Variants in GALNT13 observed in about 807,000 individuals in gnomAD.
The protein encoded by GALNT13 is UDP-GalNAc:polypeptide N-acetylgalactosaminyltransferase 13.
Under a neutral mutation model 64.2 loss-of-function variants are expected in GALNT13, and 28 were observed. The ratio of observed to expected loss-of-function variants is 0.44; its 90% CI spans 0.32 to 0.60. The LOEUF (loss-of-function observed/expected upper bound fraction) is 0.60, where lower values mean the gene tolerates loss of function less well. GALNT13 is among the 20% of genes least tolerant of loss of function. GALNT13 has a pLI of 0.05. For synonymous variants in GALNT13, 214 were observed against 224.6 expected, an observed-to-expected ratio of 0.95 and a Z score of 0.42; for missense variants, 577 against 669.8, an observed-to-expected ratio of 0.86 and a Z score of 1.53.
the GALNT13 span, among the ~76,000 whole-genome samples, chr2:153,287,161 C>T: frequency 6.6e-6 from 1 of 152,202 alleles, no homozygotes; most frequent in African/African-American, 2.4e-5. Context: ...CCTAATCTCA[C>T]TCGCAGGCAC....
intron 3 of GALNT13, among the ~76,000 whole-genome samples, chr2:154,036,844 T>A (rs1698685803): frequency 1.3e-5 from 2 of 152,080 alleles, no homozygotes; most frequent in Admixed American, 1.3e-4. Flanking sequence ...GATATCGATA[T>A]CTTTGTTCCA....
intron 3 of GALNT13, among the ~76,000 whole-genome samples, chr2:154,115,749 C>A (rs1490565512): frequency 6.6e-6 from 1 of 152,156 alleles, no homozygotes; most frequent in Non-Finnish European, 1.5e-5. Flanking sequence ...ACTTCCCGAT[C>A]TGCAACATTA....
the GALNT13 span, among the ~76,000 whole-genome samples, chr2:153,225,961 T>C: frequency 6.6e-6 from 1 of 150,902 alleles, no homozygotes; most frequent in Non-Finnish European, 1.5e-5. Context: ...TGAGACAGCA[T>C]CTCACTCTGT....
At chr2:154,059,281 A>G (rs1353882036) in intron 3 of GALNT13, among the ~76,000 whole-genome samples, 1 of 152,232 alleles carries the variant, frequency 6.6e-6, no homozygotes, top group Admixed American at 6.5e-5. Flanking sequence ...AAGGAAGATA[A>G]AAATAACTAG....
chr2:153,844,301 G>A, the GALNT13 span, among the ~76,000 whole-genome samples: 1 of 152,186 alleles, frequency 6.6e-6, no homozygotes, highest in East Asian at 1.9e-4. Context: ...AACACCACAT[G>A]GAAGCTGCTA....
intron 4 of GALNT13, among the ~76,000 whole-genome samples, chr2:154,241,065 GAC>G (rs912387226): frequency 1.5e-4 from 23 of 152,078 alleles, no homozygotes; most frequent in Admixed American, 7.9e-4. Context: ...TTCCTCCGCT[GAC>G]TTGCTCCTCT....
At chr2:153,365,878 A>G in the GALNT13 span, among the ~76,000 whole-genome samples, 1 of 152,292 alleles carries the variant, frequency 6.6e-6, no homozygotes, top group East Asian at 1.9e-4. Context: ...TGACCCAGCA[A>G]TCCCACTACT....
chr2:153,725,003 A>C, the GALNT13 span, among the ~76,000 whole-genome samples: 4 of 151,662 alleles, frequency 2.6e-5, no homozygotes, highest in South Asian at 8.4e-4. Flanking sequence ...AGACACATGC[A>C]CACGTATGTT....
At chr2:153,907,201 T>G (rs968800523) in intron 2 of GALNT13, among the ~76,000 whole-genome samples, 5 of 151,700 alleles carry the variant, frequency 3.3e-5, no homozygotes, top group Non-Finnish European at 5.9e-5. Context: ...TAGGTTGCCT[T>G]TTCACTCTGA....
At position 154,450,557 on chromosome 2, in the gene GALNT13, A is replaced by G. The variant is rs1316918560; in HGVS notation, c.*6A>G. On this transcript the variant is annotated 3_prime_UTR_variant, in exon 13 of 13. Transcript: ENST00000392825. The stretch of plus-strand genomic sequence containing the variant: ...ACATGACCTTGGGCACATGAAGATC[A>G]TGTCCTCCAAGCCATGAAAGTGTCT... The G allele has an allele frequency of 1.3e-6, 2 of 1,591,986 alleles. No homozygotes were observed. The highest frequency in any genetic ancestry group is 4.5e-5 in the East Asian group (2 of 44,292).
the GALNT13 span, among the ~76,000 whole-genome samples, chr2:153,837,846 C>G: frequency 6.6e-6 from 1 of 152,014 alleles, no homozygotes; most frequent in African/African-American, 2.4e-5. Flanking sequence ...AATCTCCTTA[C>G]TTTTTTCCAT....
intron 4 of GALNT13, among the ~76,000 whole-genome samples, chr2:154,199,725 G>T (rs1299185476): frequency 6.6e-6 from 1 of 151,930 alleles, no homozygotes; most frequent in African/African-American, 2.4e-5. Flanking sequence ...CATAAAACTG[G>T]AGATTGTAAT....
At chr2:153,750,783 A>C in the GALNT13 span, among the ~76,000 whole-genome samples, 1 of 150,890 alleles carries the variant, frequency 6.6e-6, no homozygotes, top group Non-Finnish European at 1.5e-5. Context: ...TGTTTCATTG[A>C]TTTTTGTTGT....
the GALNT13 span, chr2:153,421,788 C>T: frequency 5.1e-6 from 1 of 195,420 alleles, no homozygotes; most frequent in Non-Finnish European, 1.1e-5. Flanking sequence ...TGGACACAAA[C>T]TTGCCTGCTC....
chr2:154,354,749 T>G (rs1400580169), intron 9 of GALNT13, among the ~76,000 whole-genome samples: 1 of 152,110 alleles, frequency 6.6e-6, no homozygotes. Flanking sequence ...GATTTATTTC[T>G]AGGTTCTCTT....
the GALNT13 span, among the ~76,000 whole-genome samples, chr2:153,742,033 A>G: frequency 5.3e-5 from 8 of 152,132 alleles, no homozygotes; most frequent in African/African-American, 1.7e-4. Context: ...AGATGTGATT[A>G]TTAACTATAT....
At chr2:153,235,130 A>G in the GALNT13 span, among the ~76,000 whole-genome samples, 47 of 152,236 alleles carry the variant, frequency 3.1e-4, 1 homozygote, top group Middle Eastern at 3.4e-3. Flanking sequence ...TGATCCACCA[A>G]CAACAGGTAG....
At chr2:153,287,563 T>C in the GALNT13 span, among the ~76,000 whole-genome samples, 3 of 152,028 alleles carry the variant, frequency 2.0e-5, no homozygotes, top group Non-Finnish European at 4.4e-5. Flanking sequence ...GAAGGTGGCC[T>C]TCCCCGGGGT....
the GALNT13 span, among the ~76,000 whole-genome samples, chr2:153,786,259 T>A: frequency 1.3e-5 from 2 of 152,058 alleles, no homozygotes; most frequent in Admixed American, 1.3e-4. Flanking sequence ...TTTATTACCC[T>A]AACAGTCCTT....
Sources: allele counts gnomAD v4.1 joint callset (sites outside exome capture counted in the v4.1 genomes callset), GRCh38; gene constraint gnomAD v4.1.1; transcripts MANE v1.5; gene names NCBI Gene and HGNC (gene_info 2026-07-23, HGNC 2026-07-21).